Variants in BCAS1 observed in about 807,000 individuals in gnomAD.
BCAS1 encodes brain enriched myelin associated protein 1, also known as breast carcinoma-amplified sequence 1.
A neutral mutation model predicts 65.4 loss-of-function variants in BCAS1; 46 were observed. The ratio of observed to expected loss-of-function variants is 0.70; its 90% CI spans 0.55 to 0.90. BCAS1 has a LOEUF of 0.90. Among genes scored for constraint, BCAS1 ranks in the 40% least tolerant of loss-of-function variants. BCAS1 has a pLI of 0.00. For missense variants in BCAS1, 793 were observed against 771.2 expected, an observed-to-expected ratio of 1.03 and a Z score of -0.33; for synonymous variants, 298 against 293.5, an observed-to-expected ratio of 1.02 and a Z score of -0.16.
Position 53,953,617 on chromosome 20 carries a change from A to C in BCAS1, c.1630T>G (p.Ser544Ala). Reference protein sequence around the residue: ...TGAPQKGKEGSSKDKKSAAEM... With the variant: ...TGAPQKGKEGASKDKKSAAEM... ...GCTGCTGACTTCTTGTCCTTCGAGG[A>C]GCCCTCTTTACCCTTCTGTGGTGCT... The change falls in exon 12 of 13, where the codon TCC becomes GCC. Residue 544 changes from serine (S) to alanine (A), a missense_variant. Ser to Ala is a moderately conservative substitution (Grantham distance 99, BLOSUM62 1). Coordinates refer to ENST00000688948, the MANE Select transcript of BCAS1 (RefSeq NM_001366298.2). The C allele has an allele frequency of 6.2e-7, 1 of 1,613,496 alleles. No individual in the cohort carries two copies. The highest frequency in any genetic ancestry group is 8.5e-7 in the Non-Finnish European group (1 of 1,179,942).
chr20:54,042,540 C>T (rs1271055607), intron 3 of BCAS1, among the ~76,000 whole-genome samples: 1 of 152,012 alleles, frequency 6.6e-6, no homozygotes, highest in African/African-American at 2.4e-5. Flanking sequence ...AAAATGGTGT[C>T]GGGAGGTTGA....
At chr20:53,960,052 C>A (rs1399212805) in intron 10 of BCAS1, among the ~76,000 whole-genome samples, 1 of 152,204 alleles carries the variant, frequency 6.6e-6, no homozygotes, top group Non-Finnish European at 1.5e-5. Context: ...CAAGCCCATT[C>A]CCAAGTGGCC....
intron 4 of BCAS1, among the ~76,000 whole-genome samples, chr20:54,020,368 C>T (rs1009341549): frequency 2.2e-4 from 34 of 152,122 alleles, no homozygotes; most frequent in Admixed American, 7.2e-4. Context: ...AATGGATTAA[C>T]GCCATGACAT....
chr20:53,992,754 G>T, intron 6 of BCAS1, 108 bp from the exon 7 acceptor site: 1 of 1,075,454 alleles, frequency 9.3e-7, no homozygotes, highest in Admixed American at 2.6e-5. Context: ...TTAACTGTTG[G>T]TACACCATCC....
chr20:54,031,829 C>T (rs463288), intron 3 of BCAS1, among the ~76,000 whole-genome samples: 106,563 of 150,578 alleles, frequency 0.71, 39,300 homozygotes, highest in East Asian at 0.89. Flanking sequence ...TGTAAATACA[C>T]AGCAATCAAG....
chr20:54,019,273 T>A (rs1176835093), intron 4 of BCAS1, among the ~76,000 whole-genome samples: 2 of 152,202 alleles, frequency 1.3e-5, no homozygotes, highest in African/African-American at 4.8e-5. Context: ...AACAGCTACA[T>A]GGATGATTAA....
chr20:54,030,670 T>C (rs2091779642), intron 3 of BCAS1, among the ~76,000 whole-genome samples: 1 of 151,228 alleles, frequency 6.6e-6, no homozygotes, highest in African/African-American at 2.4e-5. Context: ...TCGCAGTGTC[T>C]AGACTAAACA....
At chr20:54,003,246 A>G (rs1293574925) in intron 4 of BCAS1, among the ~76,000 whole-genome samples, 1 of 139,202 alleles carries the variant, frequency 7.2e-6, no homozygotes, top group Non-Finnish European at 1.6e-5. Flanking sequence ...AAAAAAAAAA[A>G]GCAATGAAAA....
rs1180126422 is a variant in BCAS1, at chr20:53,984,022, T to C, written c.1275+1265A>G. Among the ~76,000 whole-genome samples the C allele has an allele frequency of 3.3e-5, 5 of 152,180 alleles. No individual in the cohort carries two copies. The East Asian group carries it at 9.7e-4, about 29-fold the overall frequency. On this transcript the variant is annotated intron_variant, in intron 8 of 12. Transcript: ENST00000688948. Reference sequence around the variant, plus strand: ...CAGAACCATTATTTATGTAATACTGTCTTTTTATTAGATTCCTTTTTAAAC... The same window carrying C: ...CAGAACCATTATTTATGTAATACTGCCTTTTTATTAGATTCCTTTTTAAAC...
At chr20:53,964,663 C>T (rs976251620) in intron 10 of BCAS1, among the ~76,000 whole-genome samples, 1 of 152,204 alleles carries the variant, frequency 6.6e-6, no homozygotes, top group Admixed American at 6.5e-5. Flanking sequence ...AGAATTTAGA[C>T]TTACCCATTT....
intron 7 of BCAS1, among the ~76,000 whole-genome samples, chr20:53,988,842 G>A (rs1200291243): frequency 1.3e-5 from 2 of 152,154 alleles, no homozygotes; most frequent in Non-Finnish European, 2.9e-5. Context: ...TAATGAGGGG[G>A]CAGAGCTGAC....
intron 4 of BCAS1, among the ~76,000 whole-genome samples, chr20:54,023,861 A>ATC (rs2091613795): frequency 6.6e-6 from 1 of 152,204 alleles, no homozygotes; most frequent in South Asian, 2.1e-4. Flanking sequence ...TACAACTCTT[A>ATC]AATTAGAGTC....
In BCAS1 at chr20:54,037,946, C is replaced by G. The variant is rs149090514; in HGVS notation, c.143-8974G>C. Among the ~76,000 whole-genome samples, 393 of 151,452 alleles carry G rather than the reference C, an allele frequency of 2.6e-3. 6 individuals are homozygous for G. The highest frequency in any genetic ancestry group is 9.3e-3 in the African/African-American group (385 of 41,450). On this transcript the variant is annotated intron_variant, in intron 3 of 12. Coordinates refer to ENST00000688948, the MANE Select transcript of BCAS1 (RefSeq NM_001366298.2). ...GGAAAAAAACCCTGTTTTCTCACATCTGGGAAACATTGATATCTATATATT... is the reference window on the plus strand; with the variant it reads ...GGAAAAAAACCCTGTTTTCTCACATGTGGGAAACATTGATATCTATATATT...
Position 54,009,278 on chromosome 20 carries a change from G to A in BCAS1, c.724-13228C>T, listed in dbSNP as rs143585286. Reference sequence around the variant, plus strand: ...AAAGGTATAATAATGAAAACAAAAAGCCCAGTGAGTGAAATCAACAGCATA... The same window carrying A: ...AAAGGTATAATAATGAAAACAAAAAACCCAGTGAGTGAAATCAACAGCATA... On this transcript the variant is annotated intron_variant, in intron 4 of 12. Coordinates refer to ENST00000688948, the MANE Select transcript of BCAS1 (RefSeq NM_001366298.2). Among the ~76,000 whole-genome samples the A allele has an allele frequency of 6.0e-3, 915 of 152,252 alleles. 11 individuals carry two copies. Among genetic ancestry groups the A allele is most frequent in the African/African-American group, 0.021 (853 of 41,542 alleles).
chr20:54,027,513 A>C (rs2091699265), intron 4 of BCAS1, among the ~76,000 whole-genome samples: 1 of 152,210 alleles, frequency 6.6e-6, no homozygotes, highest in Non-Finnish European at 1.5e-5. Flanking sequence ...CTGGCTCTGA[A>C]GTCTGCTAGT....
chr20:54,015,320 C>A (rs208642), intron 4 of BCAS1, among the ~76,000 whole-genome samples: 48,434 of 152,020 alleles, frequency 0.32, 8,028 homozygotes, highest in South Asian at 0.41. Context: ...GCATGAGCCA[C>A]CATGCCCAAA....
intron 3 of BCAS1, among the ~76,000 whole-genome samples, chr20:54,042,523 T>G (rs528844963): frequency 6.6e-6 from 1 of 152,292 alleles, no homozygotes; most frequent in Admixed American, 6.5e-5. Flanking sequence ...TTTCCATTTG[T>G]TTTTAAAAAA....
intron 4 of BCAS1, among the ~76,000 whole-genome samples, chr20:54,010,222 T>A (rs2091290023): frequency 6.6e-6 from 1 of 152,138 alleles, no homozygotes; most frequent in East Asian, 1.9e-4. Flanking sequence ...TAGTGGAAGT[T>A]CTAGGAAGTA....
At chr20:54,016,805 T>C (rs1047076735) in intron 4 of BCAS1, among the ~76,000 whole-genome samples, 3 of 152,206 alleles carry the variant, frequency 2.0e-5, no homozygotes, top group Non-Finnish European at 4.4e-5. Context: ...CACTTAGCCA[T>C]TTTTCTTCCT....
Sources: allele counts gnomAD v4.1 joint callset (sites outside exome capture counted in the v4.1 genomes callset), GRCh38; gene constraint gnomAD v4.1.1; transcripts MANE v1.5; gene names NCBI Gene and HGNC (gene_info 2026-07-23, HGNC 2026-07-21).